Variants in SLC8B1 observed in about 807,000 individuals in gnomAD.
The protein encoded by SLC8B1 is solute carrier family 8 member B1.
A neutral mutation model predicts 63.4 loss-of-function variants in SLC8B1; 52 were observed. That is an observed-to-expected ratio of 0.82 (90% CI 0.66 to 1.03). The LOEUF (loss-of-function observed/expected upper bound fraction) is 1.03. SLC8B1 is among the 50% of genes least tolerant of loss of function. SLC8B1 has a pLI of 0.00. For synonymous variants in SLC8B1, 336 were observed against 323.9 expected, an observed-to-expected ratio of 1.04 and a Z score of -0.40; for missense variants, 657 against 741.7, an observed-to-expected ratio of 0.89 and a Z score of 1.33.
chr12:113,328,410 C>G (rs917615457), intron 2 of SLC8B1, among the ~76,000 whole-genome samples: 1 of 152,186 alleles, frequency 6.6e-6, no homozygotes, highest in Non-Finnish European at 1.5e-5. Context: ...TGCAGAGGTT[C>G]TCATCTGGCC....
intron 10 of SLC8B1, 79 bp downstream of exon 10, chr12:113,316,447 C>G (rs532858930): frequency 1.9e-6 from 3 of 1,540,096 alleles, no homozygotes; most frequent in Non-Finnish European, 2.6e-6. Flanking sequence ...CCCTCCCCCT[C>G]GTAGAGCTGG....
At chr12:113,327,979 C>CAAAAAAAAA (rs76685425) in intron 2 of SLC8B1, among the ~76,000 whole-genome samples, 2 of 86,740 alleles carry the variant, frequency 2.3e-5, no homozygotes, top group African/African-American at 3.9e-5. Context: ...ACTACGTCTC[C>CAAAAAAAAA]AAAAAAAAAA....
chr12:113,317,746 ATTTG>A (rs58952962), intron 8 of SLC8B1, among the ~76,000 whole-genome samples: 70,955 of 151,470 alleles, frequency 0.47, 17,150 homozygotes, highest in Middle Eastern at 0.58. Flanking sequence ...ATGTGCATGT[ATTTG>A]TTTATGTGTG....
chr12:113,332,748 C>A lies in SLC8B1; in HGVS notation c.131G>T (p.Gly44Val). The change falls in exon 2 of 16, where the codon GGT (glycine) becomes GTT (valine). Residue 44 changes from glycine (G) to valine (V), a missense_variant. Coordinates refer to ENST00000680972, the MANE Select transcript of SLC8B1 (RefSeq NM_001358345.2). ...AHISPQFPASGVNQTPVVDCR... is the reference protein window; with the variant it reads ...AHISPQFPASVVNQTPVVDCR... Reference sequence around the variant, plus strand: ...GTCTACCACGGGGGTCTGGTTCACACCTGAAGCTGGAAACTGGGGGCTAAT... The same window carrying A: ...GTCTACCACGGGGGTCTGGTTCACAACTGAAGCTGGAAACTGGGGGCTAAT... 1.2e-6 allele frequency: 2 copies of A among 1,614,082 alleles called. No individual in the cohort carries two copies.
chr12:113,320,797 C>T lies in SLC8B1; in HGVS notation c.420+53G>A. On this transcript the variant is annotated intron_variant, in intron 5 of 15. Coordinates refer to ENST00000680972, the MANE Select transcript of SLC8B1 (RefSeq NM_001358345.2). The surrounding 1 kb of genome is among the most constrained non-coding windows in gnomAD (Gnocchi z 5.3). The stretch of plus-strand genomic sequence containing the variant: ...GGATAGACATGACCCTATCTCCCAG[C>T]CTCCCCACAACTGCCCTCCCTCCAG... The T allele has an allele frequency of 1.3e-6, 2 of 1,581,274 alleles. No individual in the cohort carries two copies. Among genetic ancestry groups the T allele is most frequent in the South Asian group, 2.3e-5 (2 of 86,792 alleles).
intron 2 of SLC8B1, among the ~76,000 whole-genome samples, chr12:113,328,876 C>T (rs754955586): frequency 1.7e-4 from 26 of 151,836 alleles, no homozygotes; most frequent in Non-Finnish European, 4.4e-5. Flanking sequence ...CTCAGCCTCC[C>T]GAGTAGCTGG....
chr12:113,315,462 G>C lies in SLC8B1; in HGVS notation c.1008C>G (p.Phe336Leu). 6.3e-7 allele frequency: 1 copy of C among 1,598,754 alleles called. No individual in the cohort carries two copies. The highest frequency in any genetic ancestry group is 8.5e-7 in the Non-Finnish European group (1 of 1,173,330). ...CGACGGGGACTGTGAGGAGCAGCAGGAACTCCACAGGCAGCTGTCAAGGGG... is the reference window on the plus strand; with the variant it reads ...CGACGGGGACTGTGAGGAGCAGCAGCAACTCCACAGGCAGCTGTCAAGGGG... The part of the protein sequence containing the change: ...ALKVFKLPVE[F>L]LLLLTVPVVD... The change falls in exon 11 of 16, where the codon TTC becomes TTG. Residue 336 changes from phenylalanine to leucine, a missense_variant. Coordinates refer to ENST00000680972, the MANE Select transcript of SLC8B1 (RefSeq NM_001358345.2).
At chr12:113,329,873 C>T (rs1593262596) in intron 2 of SLC8B1, among the ~76,000 whole-genome samples, 1 of 152,304 alleles carries the variant, frequency 6.6e-6, no homozygotes, top group Non-Finnish European at 1.5e-5. Flanking sequence ...CTACAGTGGT[C>T]CCCAGGGCCC....
At position 113,332,763 on chromosome 12, in the gene SLC8B1, T is replaced by TG. The variant is rs1957072873; in HGVS notation, c.115dup (p.Gln39ProfsTer25). 1.2e-6 allele frequency: 2 copies of TG among 1,614,008 alleles called. No homozygotes were observed. Among genetic ancestry groups the TG allele is most frequent in the Admixed American group, 1.7e-5 (1 of 59,994 alleles). On this transcript the variant is annotated frameshift_variant, in exon 2 of 16. Transcript: ENST00000680972. LOFTEE classifies it high-confidence loss of function. ...CTGGTTCACACCTGAAGCTGGAAAC[T>TG]GGGGGCTAATGTGAGCTCCTGTAGA...
At chr12:113,301,252 AAT>A (rs751435101) in intron 15 of SLC8B1, among the ~76,000 whole-genome samples, 5 of 152,146 alleles carry the variant, frequency 3.3e-5, no homozygotes, top group Non-Finnish European at 7.4e-5. Flanking sequence ...GGGTGGTGGG[AAT>A]ATGTGTGTCT....
At chr12:113,302,930 A>G (rs927124604) in intron 15 of SLC8B1, among the ~76,000 whole-genome samples, 6 of 152,130 alleles carry the variant, frequency 3.9e-5, no homozygotes, top group Non-Finnish European at 7.3e-5. Context: ...CACCATGGAC[A>G]TCCTTCCATG....
chr12:113,333,083 C>T (rs1242428246), intron 1 of SLC8B1, 123 bp from the exon 2 acceptor site: 4 of 621,686 alleles, frequency 6.4e-6, no homozygotes, highest in South Asian at 2.1e-5. Context: ...GTTAAGCTGA[C>T]GGAGAAACCA....
intron 15 of SLC8B1, among the ~76,000 whole-genome samples, chr12:113,303,053 GACACACAC>G (rs138136092): frequency 2.1e-5 from 3 of 142,200 alleles, no homozygotes; most frequent in African/African-American, 8.1e-5. Context: ...AAAGGTGGTA[GACACACAC>G]ACACACACGT....
Position 113,315,282 on chromosome 12 carries a change from A to C in SLC8B1, c.1135+53T>G. The C allele has an allele frequency of 2.1e-6, 3 of 1,455,668 alleles. No homozygotes were observed. The South Asian group carries it at 4.3e-5, about 21-fold the overall frequency. 90.2% of individuals were successfully genotyped at this position (1,455,668 alleles called of 1,614,324 possible). On this transcript the variant is annotated intron_variant, in intron 11 of 15. Coordinates refer to ENST00000680972, the MANE Select transcript of SLC8B1 (RefSeq NM_001358345.2). The stretch of plus-strand genomic sequence containing the variant: ...TCCAGCCTGGGTGGAAGAAAACTCC[A>C]GAACGTGGGAAGGAGTAGGAAGGTG...
chr12:113,307,600 C>T (rs1566226404), intron 13 of SLC8B1, 91 bp downstream of exon 13: 22 of 1,485,378 alleles, frequency 1.5e-5, no homozygotes, highest in Non-Finnish European at 9.1e-6. Context: ...ACCCTGGACA[C>T]TCCTGCCCAG....
At chr12:113,328,306 C>G (rs1957019947) in intron 2 of SLC8B1, among the ~76,000 whole-genome samples, 1 of 152,132 alleles carries the variant, frequency 6.6e-6, no homozygotes, top group Non-Finnish European at 1.5e-5. Context: ...TGGGATTACA[C>G]AGGTGGGCCA....
intron 1 of SLC8B1, among the ~76,000 whole-genome samples, chr12:113,333,803 G>A (rs974333672): frequency 8.5e-5 from 13 of 152,204 alleles, no homozygotes; most frequent in African/African-American, 3.1e-4. Flanking sequence ...CTGCCTCCCG[G>A]GTTCAAGTGA....
intron 8 of SLC8B1, among the ~76,000 whole-genome samples, chr12:113,318,097 C>T (rs1023431034): frequency 2.7e-5 from 4 of 150,902 alleles, no homozygotes; most frequent in Admixed American, 1.3e-4. Flanking sequence ...TGTATGTGTG[C>T]GCATGTTTGT....
At position 113,310,246 on chromosome 12, in the gene SLC8B1, G is replaced by C. The variant is rs903133371; in HGVS notation, c.1245C>G (p.Pro415=). Residue 415 remains proline (P), a synonymous_variant, in exon 12 of 16, where the codon CCC becomes CCG. Transcript: ENST00000680972. Reference sequence around the variant, plus strand: ...CCGGGCTTCTTACCCAGTGAAGCCTGGGGGGCTGGCTGTCAGATGTGGCAA... The same window carrying C: ...CCGGGCTTCTTACCCAGTGAAGCCTCGGGGGCTGGCTGTCAGATGTGGCAA... ...TFFATSDSQP[P]RLHWLFAFLG... is the part of the protein sequence containing the mutation. 3 of 1,613,524 alleles carry C rather than the reference G, an allele frequency of 1.9e-6. No individual in the cohort carries two copies. The highest frequency in any genetic ancestry group is 1.7e-5 in the Admixed American group (1 of 59,910).
Sources: allele counts gnomAD v4.1 joint callset (sites outside exome capture counted in the v4.1 genomes callset), GRCh38; gene constraint gnomAD v4.1.1; non-coding constraint Gnocchi (gnomAD v3.1); transcripts MANE v1.5; gene names NCBI Gene and HGNC (gene_info 2026-07-23, HGNC 2026-07-21).